Variants in PTPRM observed in about 807,000 individuals in gnomAD.
The protein encoded by PTPRM is receptor-type tyrosine-protein phosphatase mu.
In PTPRM, 47 loss-of-function variants were observed where a neutral mutation model predicts 186.7. The observed-to-expected ratio is 0.25, with a 90% CI of 0.20 to 0.32. The LOEUF is 0.32. PTPRM is among the 10% of genes least tolerant of loss of function. The probability of loss-of-function intolerance (pLI) is 1.00; values close to 1 mark genes in which losing one functional copy is unlikely to be tolerated. For synonymous variants in PTPRM, 668 were observed against 674.9 expected (o/e 0.99, Z 0.16); for missense variants, 1,494 against 1,865.0 (o/e 0.80, Z 3.66).
At chr18:8,011,067 T>C (rs562597312) in intron 7 of PTPRM, among the ~76,000 whole-genome samples, 1 of 152,216 alleles carries the variant, frequency 6.6e-6, no homozygotes, top group Non-Finnish European at 1.5e-5. Flanking sequence ...GGAAAGTATT[T>C]TGATTTAAGA....
chr18:7,688,046 A>G (rs1006992859), intron 1 of PTPRM, among the ~76,000 whole-genome samples: 2 of 152,102 alleles, frequency 1.3e-5, no homozygotes, highest in African/African-American at 4.8e-5. Context: ...AAAGTGCTGG[A>G]TTACAGGCAT....
At chr18:7,888,583 A>G (rs1014304675) in intron 3 of PTPRM, among the ~76,000 whole-genome samples, 4 of 152,208 alleles carry the variant, frequency 2.6e-5, no homozygotes, top group Admixed American at 6.5e-5. Context: ...TTCTCAAAGA[A>G]CTGAACAGAG....
At chr18:7,919,559 A>C (rs1373593720) in intron 4 of PTPRM, among the ~76,000 whole-genome samples, 1 of 152,132 alleles carries the variant, frequency 6.6e-6, no homozygotes, top group African/African-American at 2.4e-5. Context: ...GTTTTATTCC[A>C]TTGAGGTCAG....
At chr18:7,607,035 C>T (rs1344505980) in intron 1 of PTPRM, among the ~76,000 whole-genome samples, 5 of 151,974 alleles carry the variant, frequency 3.3e-5, no homozygotes, top group African/African-American at 1.2e-4. Flanking sequence ...CTTGTAGACA[C>T]TCAGGTGCCT....
intron 19 of PTPRM, among the ~76,000 whole-genome samples, chr18:8,269,598 A>G (rs1158245028): frequency 6.6e-6 from 1 of 152,048 alleles, no homozygotes; most frequent in Non-Finnish European, 1.5e-5. Flanking sequence ...TTAAGAAAGA[A>G]TAAAACTATA....
At chr18:7,966,723 C>T (rs1391252267) in intron 7 of PTPRM, among the ~76,000 whole-genome samples, 2 of 145,676 alleles carry the variant, frequency 1.4e-5, no homozygotes, top group Non-Finnish European at 3.1e-5. Flanking sequence ...GGGTCACTCC[C>T]ACCCGAATAC....
intron 2 of PTPRM, among the ~76,000 whole-genome samples, chr18:7,886,275 T>C (rs191373603): frequency 6.6e-5 from 10 of 152,356 alleles, no homozygotes; most frequent in Admixed American, 3.9e-4. Context: ...ATGGGGTTCA[T>C]CAACCCTGCA....
intron 23 of PTPRM, among the ~76,000 whole-genome samples, chr18:8,347,819 C>A (rs1328485014): frequency 2.6e-5 from 4 of 152,154 alleles, no homozygotes; most frequent in African/African-American, 7.2e-5. Context: ...AAAAAAATTT[C>A]TTCCAAATCC....
rs748017223 is a variant in PTPRM, at chr18:8,394,581, G to A, written c.4314G>A (p.Arg1438=). Residue 1438 remains arginine, a synonymous_variant, in exon 32 of 33, where the codon AGG becomes AGA. Transcript: ENST00000580170. ...TCTTTCACGCTGTGAAGACACTGAG[G>A]AACAACAAGCCCAACATGGTCGACC... ...VDVFHAVKTL[R]NNKPNMVDLL... 1 of 1,612,332 alleles carries A rather than the reference G, an allele frequency of 6.2e-7. No homozygotes were observed. The highest frequency in any genetic ancestry group is 1.1e-5 in the South Asian group (1 of 90,652).
At chr18:8,146,509 T>TG (rs2092890832) in intron 14 of PTPRM, among the ~76,000 whole-genome samples, 1 of 151,640 alleles carries the variant, frequency 6.6e-6, no homozygotes, top group Non-Finnish European at 1.5e-5. Context: ...TTGTTTTTTT[T>TG]TTCTTGTAAA....
intron 23 of PTPRM, among the ~76,000 whole-genome samples, chr18:8,350,740 C>G (rs924995393): frequency 5.9e-5 from 9 of 152,200 alleles, no homozygotes; most frequent in African/African-American, 1.9e-4. Context: ...CAGTGTGGCT[C>G]TAGTCTACGG....
intron 1 of PTPRM, among the ~76,000 whole-genome samples, chr18:7,625,066 A>ACT (rs1438943930): frequency 3.3e-5 from 5 of 152,204 alleles, no homozygotes; most frequent in Non-Finnish European, 7.4e-5. Flanking sequence ...GAAACTCTAC[A>ACT]AGAGCTTGAA....
At chr18:8,276,684 C>T (rs1033476030) in intron 19 of PTPRM, among the ~76,000 whole-genome samples, 2 of 152,148 alleles carry the variant, frequency 1.3e-5, no homozygotes, top group South Asian at 2.1e-4. Context: ...ATGAGAGGTA[C>T]TGCAATCTGA....
At chr18:8,281,676 A>C (rs1046052435) in intron 19 of PTPRM, among the ~76,000 whole-genome samples, 5 of 152,078 alleles carry the variant, frequency 3.3e-5, no homozygotes, top group Admixed American at 6.6e-5. Context: ...CTGTTCACTC[A>C]TTTAGAGGTA....
chr18:8,223,211 G>A (rs916742784), intron 14 of PTPRM, among the ~76,000 whole-genome samples: 9 of 152,160 alleles, frequency 5.9e-5, no homozygotes, highest in Middle Eastern at 3.4e-3. Context: ...GAGACAGAGC[G>A]GGACTCTGTC....
chr18:7,863,993 G>A (rs1026873890), intron 2 of PTPRM, among the ~76,000 whole-genome samples: 6 of 152,190 alleles, frequency 3.9e-5, no homozygotes, highest in African/African-American at 1.2e-4. Flanking sequence ...CTGCATAAAT[G>A]TCTTCTTTTG....
intron 1 of PTPRM, among the ~76,000 whole-genome samples, chr18:7,727,938 A>G (rs1182996732): frequency 1.3e-5 from 2 of 152,202 alleles, no homozygotes; most frequent in African/African-American, 2.4e-5. Flanking sequence ...CATTTCTGTT[A>G]CAGGCACTAA....
intron 8 of PTPRM, among the ~76,000 whole-genome samples, chr18:8,070,341 G>A (rs1262076237): frequency 6.6e-6 from 1 of 151,946 alleles, no homozygotes; most frequent in Non-Finnish European, 1.5e-5. Context: ...GTTGTTTTGG[G>A]TATTAGATTA....
chr18:8,142,742 G>C (rs1050344586), intron 13 of PTPRM, among the ~76,000 whole-genome samples: 1 of 152,164 alleles, frequency 6.6e-6, no homozygotes, highest in Non-Finnish European at 1.5e-5. Flanking sequence ...AGGGTGGTGT[G>C]GCTCAGAGCA....
Sources: allele counts gnomAD v4.1 joint callset (sites outside exome capture counted in the v4.1 genomes callset), GRCh38; gene constraint gnomAD v4.1.1; transcripts MANE v1.5; gene names NCBI Gene and HGNC (gene_info 2026-07-23, HGNC 2026-07-21).